Variants in SLC44A5 observed in about 807,000 individuals in gnomAD.
SLC44A5 encodes choline transporter-like protein 5.
SLC44A5 carries 57 observed loss-of-function variants against 101.8 expected under a neutral mutation model. The ratio of observed to expected loss-of-function variants is 0.56; its 90% confidence interval spans 0.45 to 0.70. The LOEUF (loss-of-function observed/expected upper bound fraction) is 0.70. Ranked by LOEUF, SLC44A5 falls within the 30% of genes least tolerant of loss-of-function variation. The pLI is 0.00. For missense variants in SLC44A5, 737 were observed against 853.1 expected, an observed-to-expected ratio of 0.86 and a Z score of 1.70; for synonymous variants, 281 against 290.9, an observed-to-expected ratio of 0.97 and a Z score of 0.35.
chr1:75,526,429 A>G (rs914897362), intron 2 of SLC44A5, among the ~76,000 whole-genome samples: 10 of 152,230 alleles, frequency 6.6e-5, no homozygotes, highest in African/African-American at 1.9e-4. Flanking sequence ...GTTCCAGGCC[A>G]AGACAGCTAT....
At chr1:75,669,839 C>A in the SLC44A5 span, among the ~76,000 whole-genome samples, 1 of 152,202 alleles carries the variant, frequency 6.6e-6, no homozygotes, top group Non-Finnish European at 1.5e-5. Context: ...TTACTAAATT[C>A]TCTATATACA....
At chr1:75,699,453 G>A in the SLC44A5 span, among the ~76,000 whole-genome samples, 1 of 152,048 alleles carries the variant, frequency 6.6e-6, no homozygotes, top group Non-Finnish European at 1.5e-5. Flanking sequence ...AGCAAATGCT[G>A]AGAGATTTCG....
the SLC44A5 span, among the ~76,000 whole-genome samples, chr1:75,643,814 C>A: frequency 6.6e-6 from 1 of 152,216 alleles, no homozygotes; most frequent in African/African-American, 2.4e-5. Context: ...GTCCATTAAA[C>A]CTCTTTTCTT....
At chr1:75,573,700 G>A (rs1261222209) in intron 1 of SLC44A5, among the ~76,000 whole-genome samples, 3 of 151,922 alleles carry the variant, frequency 2.0e-5, no homozygotes, top group Non-Finnish European at 2.9e-5. Flanking sequence ...AAACTATGCC[G>A]ATTTATTGTA....
At chr1:75,526,746 ATTT>A (rs956688471) in intron 2 of SLC44A5, among the ~76,000 whole-genome samples, 3 of 152,196 alleles carry the variant, frequency 2.0e-5, no homozygotes, top group African/African-American at 7.2e-5. Flanking sequence ...CCCTTAGGAA[ATTT>A]TATCTCCCAC....
chr1:75,424,127 G>A (rs1393595669), intron 2 of SLC44A5, among the ~76,000 whole-genome samples: 1 of 152,166 alleles, frequency 6.6e-6, no homozygotes, highest in African/African-American at 2.4e-5. Flanking sequence ...TGCTCAGCCT[G>A]CAGAGGCTTT....
At chr1:75,366,898 T>G (rs1200354847) in intron 3 of SLC44A5, among the ~76,000 whole-genome samples, 1 of 152,184 alleles carries the variant, frequency 6.6e-6, no homozygotes, top group African/African-American at 2.4e-5. Context: ...TGTTTCTTAT[T>G]AAACTTCTCA....
At chr1:75,390,859 G>A (rs1661739111) in intron 3 of SLC44A5, among the ~76,000 whole-genome samples, 1 of 152,088 alleles carries the variant, frequency 6.6e-6, no homozygotes, top group Non-Finnish European at 1.5e-5. Context: ...TCAGGTGAGA[G>A]AACAAAACAA....
At chr1:75,699,227 G>T in the SLC44A5 span, among the ~76,000 whole-genome samples, 3 of 151,960 alleles carry the variant, frequency 2.0e-5, no homozygotes, top group Non-Finnish European at 4.4e-5. Flanking sequence ...TGAAATGAAG[G>T]AAAAAATGTT....
In SLC44A5 at chr1:75,280,450, T is replaced by A. The variant is rs111505226; in HGVS notation, c.176-5408A>T. 5.6e-3 allele frequency among the ~76,000 whole-genome samples: 530 copies of A among 94,324 alleles called. 60 individuals carry two copies. The highest frequency in any genetic ancestry group is 8.6e-3 in the South Asian group (31 of 3,620). 61.9% of individuals were successfully genotyped at this position (94,324 alleles called of 152,430 possible). A position where few individuals can be genotyped will look rare whatever the true frequency, so the allele number is the denominator to read the frequency against. Reference sequence around the variant, plus strand: ...TTGTATATATTATATATAGTATATATTATATATAGTATATATAATATATAA... The same window carrying A: ...TTGTATATATTATATATAGTATATAATATATATAGTATATATAATATATAA... On this transcript the variant is annotated intron_variant, in intron 5 of 23. Coordinates refer to ENST00000370859, the MANE Select transcript of SLC44A5 (RefSeq NM_001130058.2).
chr1:75,242,805 C>T (rs1648753293), intron 8 of SLC44A5, 81 bp downstream of exon 8: 1 of 1,446,292 alleles, frequency 6.9e-7, no homozygotes, highest in South Asian at 1.5e-5. Context: ...GGAGCTTGTT[C>T]AGTAACAAAT....
intron 5 of SLC44A5, among the ~76,000 whole-genome samples, chr1:75,278,349 A>T (rs1395457610): frequency 6.6e-6 from 1 of 152,140 alleles, no homozygotes; most frequent in African/African-American, 2.4e-5. Flanking sequence ...TCTCCTGGAC[A>T]GATCTGTTCT....
At chr1:75,596,643 T>A (rs900663708) in intron 1 of SLC44A5, among the ~76,000 whole-genome samples, 14 of 152,076 alleles carry the variant, frequency 9.2e-5, no homozygotes, top group African/African-American at 3.4e-4. Context: ...CAAGATTGCT[T>A]CAACATATGC....
chr1:75,682,127 A>G, the SLC44A5 span, among the ~76,000 whole-genome samples: 2 of 152,248 alleles, frequency 1.3e-5, no homozygotes, highest in African/African-American at 4.8e-5. Context: ...ATGGAAGAAC[A>G]TTCCATGCTC....
chr1:75,323,750 C>T (rs150598936), intron 4 of SLC44A5, among the ~76,000 whole-genome samples: 6 of 152,306 alleles, frequency 3.9e-5, no homozygotes, highest in African/African-American at 1.2e-4. Flanking sequence ...TTTGGCTTTA[C>T]AGCTCAGTTG....
At chr1:75,600,697 AG>A (rs1674924387) in intron 1 of SLC44A5, among the ~76,000 whole-genome samples, 2 of 152,294 alleles carry the variant, frequency 1.3e-5, no homozygotes, top group South Asian at 4.1e-4. Context: ...TTTTATGTTA[AG>A]ATATACAAAT....
chr1:75,673,957 A>G, the SLC44A5 span, among the ~76,000 whole-genome samples: 1 of 152,142 alleles, frequency 6.6e-6, no homozygotes, highest in South Asian at 2.1e-4. Context: ...GACAGGTACA[A>G]ACAGACTGCA....
chr1:75,220,611 A>C (rs1274233239), intron 14 of SLC44A5, among the ~76,000 whole-genome samples: 3 of 152,130 alleles, frequency 2.0e-5, no homozygotes, highest in Non-Finnish European at 2.9e-5. Context: ...CAAGGATAAT[A>C]ATTTCTTTGA....
chr1:75,512,110 C>T (rs559387780), intron 2 of SLC44A5, among the ~76,000 whole-genome samples: 34 of 152,090 alleles, frequency 2.2e-4, no homozygotes, highest in African/African-American at 7.7e-4. Context: ...GCACAGCCCA[C>T]GTAAAAAATA....
Sources: allele counts gnomAD v4.1 joint callset (sites outside exome capture counted in the v4.1 genomes callset), GRCh38; gene constraint gnomAD v4.1.1; transcripts MANE v1.5; gene names NCBI Gene and HGNC (gene_info 2026-07-23, HGNC 2026-07-21).